DDX10: variants seen among roughly 807,000 people sequenced by gnomAD.
DDX10 encodes the protein probable ATP-dependent RNA helicase DDX10.
In DDX10, 74 loss-of-function variants were observed where a neutral mutation model predicts 104.3. The observed-to-expected ratio is 0.71, with a 90% CI of 0.59 to 0.86. The LOEUF (loss-of-function observed/expected upper bound fraction) is 0.86, where lower values mean the gene tolerates loss of function less well. Among genes scored for constraint, DDX10 ranks in the 40% least tolerant of loss-of-function variants. The pLI is 0.00. For synonymous variants in DDX10, 351 were observed against 353.4 expected, an observed-to-expected ratio of 0.99 and a Z score of 0.08; for missense variants, 952 against 1,040.0, an observed-to-expected ratio of 0.92 and a Z score of 1.16.
chr11:108,727,368 T>C (rs549752019), intron 13 of DDX10, among the ~76,000 whole-genome samples: 2 of 152,274 alleles, frequency 1.3e-5, no homozygotes, highest in South Asian at 2.1e-4. Context: ...TTCCCTGTTA[T>C]GATATTAGTC....
intron 13 of DDX10, among the ~76,000 whole-genome samples, chr11:108,750,886 T>G (rs2134505052): frequency 6.9e-6 from 1 of 145,356 alleles, no homozygotes; most frequent in East Asian, 2.0e-4. Context: ...GCCTCCTGAG[T>G]AGCTAGAACT....
At chr11:108,772,856 G>A (rs1198532605) in intron 13 of DDX10, among the ~76,000 whole-genome samples, 2 of 152,210 alleles carry the variant, frequency 1.3e-5, no homozygotes, top group African/African-American at 4.8e-5. Flanking sequence ...TGGAAAAATT[G>A]TCTTCCACAA....
chr11:108,922,243 C>CAAAAA (rs3030537), intron 17 of DDX10: 1 of 79,350 alleles, frequency 1.3e-5, no homozygotes, highest in South Asian at 5.2e-4. Flanking sequence ...GACTCCATCT[C>CAAAAA]AAAAAAAAAA....
chr11:108,863,039 C>T (rs183378567), intron 16 of DDX10, among the ~76,000 whole-genome samples: 1 of 152,198 alleles, frequency 6.6e-6, no homozygotes, highest in Non-Finnish European at 1.5e-5. Context: ...ATTCATTTGA[C>T]TTACCTCATT....
intron 13 of DDX10, among the ~76,000 whole-genome samples, chr11:108,822,087 A>G (rs1215129825): frequency 6.6e-6 from 1 of 152,224 alleles, no homozygotes; most frequent in Non-Finnish European, 1.5e-5. Flanking sequence ...AAATCGAATC[A>G]TATCTTTAGA....
chr11:108,850,746 GT>G (rs1862780050), intron 15 of DDX10, among the ~76,000 whole-genome samples: 1 of 152,140 alleles, frequency 6.6e-6, no homozygotes, highest in Admixed American at 6.6e-5. Flanking sequence ...TGAAGTCAAT[GT>G]TCCAGTGGAG....
intron 15 of DDX10, among the ~76,000 whole-genome samples, chr11:108,846,997 G>C (rs551584567): frequency 1.3e-5 from 2 of 152,284 alleles, no homozygotes; most frequent in Non-Finnish European, 2.9e-5. Context: ...AGTTGTCGTT[G>C]TAGCCTTTAA....
intron 16 of DDX10, among the ~76,000 whole-genome samples, chr11:108,877,674 A>G (rs1052153552): frequency 6.6e-6 from 1 of 152,218 alleles, no homozygotes; most frequent in African/African-American, 2.4e-5. Context: ...AAAGATCTAT[A>G]TTTCCTAATC....
intron 13 of DDX10, among the ~76,000 whole-genome samples, chr11:108,743,885 T>A (rs74733207): frequency 1.4e-4 from 22 of 152,274 alleles, no homozygotes; most frequent in African/African-American, 3.4e-4. Context: ...TAATTGAGAA[T>A]CTTGGAGAAG....
intron 9 of DDX10, among the ~76,000 whole-genome samples, chr11:108,699,725 G>T (rs1252992406): frequency 6.6e-6 from 1 of 152,192 alleles, no homozygotes; most frequent in Non-Finnish European, 1.5e-5. Context: ...AGGAGGTGCA[G>T]ATTATTGGGA....
At chr11:108,798,469 T>C (rs1861976215) in intron 13 of DDX10, among the ~76,000 whole-genome samples, 1 of 152,198 alleles carries the variant, frequency 6.6e-6, no homozygotes, top group Admixed American at 6.5e-5. Flanking sequence ...CTCCCATCAG[T>C]CCTTGGCAGC....
chr11:108,764,294 T>G (rs1464652490), intron 13 of DDX10, among the ~76,000 whole-genome samples: 2 of 152,152 alleles, frequency 1.3e-5, no homozygotes, highest in African/African-American at 4.8e-5. Context: ...ACAGGTGGTG[T>G]TAGTTAATTT....
chr11:108,818,151 T>G (rs899796678), intron 13 of DDX10, among the ~76,000 whole-genome samples: 6 of 152,198 alleles, frequency 3.9e-5, no homozygotes, highest in Admixed American at 6.5e-5. Context: ...CCCTCACCAG[T>G]GGACATGCAT....
chr11:108,840,766 AC>A (rs1862625989), intron 14 of DDX10, among the ~76,000 whole-genome samples: 1 of 152,182 alleles, frequency 6.6e-6, no homozygotes, highest in South Asian at 2.1e-4. Context: ...CATTTTGAGC[AC>A]CTGTTTAATA....
At chr11:108,772,162 A>C (rs1027364337) in intron 13 of DDX10, among the ~76,000 whole-genome samples, 3 of 152,244 alleles carry the variant, frequency 2.0e-5, no homozygotes, top group African/African-American at 7.2e-5. Context: ...TGGTCACACA[A>C]AATATTAAAA....
intron 13 of DDX10, among the ~76,000 whole-genome samples, chr11:108,791,888 C>T (rs1457288360): frequency 2.0e-5 from 3 of 152,094 alleles, no homozygotes; most frequent in African/African-American, 7.2e-5. Context: ...GCTGTGACTG[C>T]GTATTTGACT....
chr11:108,873,900 A>T (rs533066812), intron 16 of DDX10, among the ~76,000 whole-genome samples: 1 of 152,306 alleles, frequency 6.6e-6, no homozygotes, highest in African/African-American at 2.4e-5. Flanking sequence ...TCTTCTAGGT[A>T]TTGGACTAAA....
Position 108,715,902 on chromosome 11 carries a change from A to G in DDX10, c.1346A>G (p.Asp449Gly), listed in dbSNP as rs762524526. Residue 449 changes from aspartate to glycine, a missense_variant, in exon 11 of 18, where the codon GAT becomes GGT. Transcript: ENST00000322536. ...EIKINPEKLI[D>G]VQKKLESILA... is the part of the protein sequence containing the mutation. Reference sequence around the variant, plus strand: ...AGAATCAATCCAGAAAAACTTATAGATGTCCAGAAAAAATTGGAATCTATT... The same window carrying G: ...AGAATCAATCCAGAAAAACTTATAGGTGTCCAGAAAAAATTGGAATCTATT... 1 of 1,545,202 alleles carries G rather than the reference A, an allele frequency of 6.5e-7. No individual in the cohort carries two copies. The highest frequency in any genetic ancestry group is 8.9e-7 in the Non-Finnish European group (1 of 1,120,836).
In DDX10 at chr11:108,665,106, G is replaced by A; in HGVS notation, c.-48G>A. On this transcript the variant is annotated 5_prime_UTR_variant, in exon 1 of 18. Coordinates refer to ENST00000322536, the MANE Select transcript of DDX10 (RefSeq NM_004398.4). ...TGCTGGTTCCGTGAGTCTGGCCTTA[G>A]GTGTCTCGTGTCTGGGGTTGATCCG... The A allele has an allele frequency of 6.4e-7, 1 of 1,555,744 alleles. No individual in the cohort carries two copies. Among genetic ancestry groups the A allele is most frequent in the South Asian group, 1.2e-5 (1 of 81,252 alleles).
Sources: allele counts gnomAD v4.1 joint callset (sites outside exome capture counted in the v4.1 genomes callset), GRCh38; gene constraint gnomAD v4.1.1; transcripts MANE v1.5; gene names NCBI Gene and HGNC (gene_info 2026-07-23, HGNC 2026-07-21).